XPO6: variants seen among roughly 807,000 people sequenced by gnomAD.
XPO6 encodes the protein exportin-6.
XPO6 carries 3 observed loss-of-function variants against 130.0 expected under a neutral mutation model. That is an observed-to-expected ratio of 0.02 (90% CI 0.01 to 0.06). XPO6 has a LOEUF of 0.06. Among genes scored for constraint, XPO6 ranks in the 10% least tolerant of loss-of-function variants. The pLI, the probability that XPO6 is intolerant of heterozygous loss-of-function variation, is 1.00. For synonymous variants in XPO6, 524 were observed against 548.9 expected (o/e 0.95, Z 0.63); for missense variants, 970 against 1,393.0 (o/e 0.70, Z 4.83).
intron 13 of XPO6, among the ~76,000 whole-genome samples, chr16:28,125,074 T>G (rs1220190367): frequency 6.6e-6 from 1 of 152,090 alleles, no homozygotes; most frequent in Non-Finnish European, 1.5e-5. Flanking sequence ...CCTCAACAAG[T>G]GCATCTGTAA....
intron 1 of XPO6, among the ~76,000 whole-genome samples, chr16:28,205,052 A>AC (rs2044006063): frequency 6.6e-6 from 1 of 152,140 alleles, no homozygotes; most frequent in Admixed American, 6.6e-5. Context: ...ACAGAGCGAG[A>AC]TCCTATGTCT....
chr16:28,177,682 C>T (rs1315799844), intron 2 of XPO6, among the ~76,000 whole-genome samples: 2 of 152,174 alleles, frequency 1.3e-5, no homozygotes, highest in East Asian at 1.9e-4. Flanking sequence ...TAACTTACTT[C>T]GTCTGAATAT....
intron 1 of XPO6, among the ~76,000 whole-genome samples, chr16:28,199,238 T>G (rs1187482370): frequency 2.6e-5 from 4 of 152,256 alleles, no homozygotes; most frequent in Admixed American, 2.6e-4. Flanking sequence ...GAGGTCCTGA[T>G]GACATGTGCC....
intron 5 of XPO6, 143 bp downstream of exon 5, chr16:28,169,607 A>G: frequency 3.1e-6 from 3 of 969,504 alleles, no homozygotes; most frequent in Non-Finnish European, 4.6e-6. Flanking sequence ...ACCCTGGGCT[A>G]TAGGTGTTGG....
chr16:28,200,505 C>T (rs1430037439), intron 1 of XPO6, among the ~76,000 whole-genome samples: 2 of 150,340 alleles, frequency 1.3e-5, no homozygotes, highest in African/African-American at 2.5e-5. Flanking sequence ...TTTTTTGAGA[C>T]GGAGTTTCGT....
intron 4 of XPO6, among the ~76,000 whole-genome samples, chr16:28,170,149 A>G (rs903255852): frequency 6.6e-6 from 1 of 152,046 alleles, no homozygotes; most frequent in Non-Finnish European, 1.5e-5. Flanking sequence ...CCTGACCAAC[A>G]TGGAGAAATC....
At chr16:28,178,547 A>G (rs993252971) in intron 2 of XPO6, among the ~76,000 whole-genome samples, 1 of 151,842 alleles carries the variant, frequency 6.6e-6, no homozygotes, top group African/African-American at 2.4e-5. Flanking sequence ...TGTCTCAGCC[A>G]CCTGAATAGC....
chr16:28,159,066 C>CA (rs1056916244), intron 6 of XPO6, among the ~76,000 whole-genome samples: 3 of 151,802 alleles, frequency 2.0e-5, no homozygotes, highest in Admixed American at 6.6e-5. Flanking sequence ...CCCGTCTCTA[C>CA]AAAAAATACA....
At position 28,101,022 on chromosome 16, in the gene XPO6, A is replaced by G; in HGVS notation, c.3276+436T>C. 7.3e-6 allele frequency: 2 copies of G among 275,116 alleles called. No homozygotes were observed. The highest frequency in any genetic ancestry group is 7.0e-5 in the South Asian group (2 of 28,494). 17.0% of individuals were successfully genotyped at this position (275,116 alleles called of 1,614,324 possible). A position where few individuals can be genotyped will look rare whatever the true frequency, so the allele number is the denominator to read the frequency against. On this transcript the variant is annotated intron_variant, in intron 23 of 23. Coordinates refer to ENST00000304658, the MANE Select transcript of XPO6 (RefSeq NM_015171.4). The surrounding 1 kb of genome is among the most constrained non-coding windows in gnomAD (Gnocchi z 5.4). Reference sequence around the variant, plus strand: ...GGAAAGAGCCCAAGACAGCCGGGGAACCTGGGTCCCACCTCTAACCCTGGG... The same window carrying G: ...GGAAAGAGCCCAAGACAGCCGGGGAGCCTGGGTCCCACCTCTAACCCTGGG...
intron 9 of XPO6, among the ~76,000 whole-genome samples, chr16:28,139,852 C>A (rs533644909): frequency 2.8e-4 from 42 of 152,286 alleles, no homozygotes; most frequent in Non-Finnish European, 5.1e-4. Flanking sequence ...AAAAACTGAT[C>A]AAACTAAAAG....
At chr16:28,205,653 G>A (rs2044017113) in intron 1 of XPO6, among the ~76,000 whole-genome samples, 2 of 152,156 alleles carry the variant, frequency 1.3e-5, no homozygotes, top group African/African-American at 2.4e-5. Context: ...CCCTGGAAGT[G>A]TAACGGTTAT....
chr16:28,125,169 G>A (rs936276400), intron 13 of XPO6, among the ~76,000 whole-genome samples: 1 of 152,174 alleles, frequency 6.6e-6, no homozygotes, highest in African/African-American at 2.4e-5. Context: ...CAGGCGTGGA[G>A]GCTACCCAGC....
intron 14 of XPO6, among the ~76,000 whole-genome samples, chr16:28,118,289 G>T (rs72789645): frequency 5.2e-4 from 79 of 152,206 alleles, no homozygotes; most frequent in Non-Finnish European, 9.4e-4. Flanking sequence ...CTCCTCATTA[G>T]TTGGCAGTCT....
At chr16:28,197,113 G>T (rs947874442) in intron 1 of XPO6, among the ~76,000 whole-genome samples, 1 of 152,036 alleles carries the variant, frequency 6.6e-6, no homozygotes. Flanking sequence ...TTAGCCGGGT[G>T]TGATGGCTAA....
At chr16:28,187,842 CT>C (rs1372903165) in intron 1 of XPO6, among the ~76,000 whole-genome samples, 2 of 151,870 alleles carry the variant, frequency 1.3e-5, no homozygotes, top group Non-Finnish European at 2.9e-5. Context: ...ATACATGTGA[CT>C]CTTTACATTT....
At chr16:28,139,398 T>C (rs2042843312) in intron 9 of XPO6, among the ~76,000 whole-genome samples, 1 of 152,214 alleles carries the variant, frequency 6.6e-6, no homozygotes, top group African/African-American at 2.4e-5. Flanking sequence ...TGGTATTTTG[T>C]TATGGTAGCC....
chr16:28,135,138 C>T (rs983758833), intron 10 of XPO6, 78 bp downstream of exon 10: 2 of 1,197,310 alleles, frequency 1.7e-6, no homozygotes, highest in Non-Finnish European at 2.4e-6. Context: ...GAGCAGAGGG[C>T]TCTGGGTTCC....
chr16:28,140,049 T>A (rs1300271631), intron 9 of XPO6, among the ~76,000 whole-genome samples: 1 of 151,680 alleles, frequency 6.6e-6, no homozygotes. Context: ...CTGGCCAACG[T>A]GGCAAAACCC....
At chr16:28,170,567 T>C (rs1428730335) in intron 4 of XPO6, among the ~76,000 whole-genome samples, 4 of 152,192 alleles carry the variant, frequency 2.6e-5, no homozygotes, top group Admixed American at 6.5e-5. Flanking sequence ...TGTATGTATA[T>C]AAATTATATC....
Sources: allele counts gnomAD v4.1 joint callset (sites outside exome capture counted in the v4.1 genomes callset), GRCh38; gene constraint gnomAD v4.1.1; non-coding constraint Gnocchi (gnomAD v3.1); transcripts MANE v1.5; gene names NCBI Gene and HGNC (gene_info 2026-07-23, HGNC 2026-07-21).